Variants in DGLUCY observed in about 807,000 individuals in gnomAD.
The protein encoded by DGLUCY is D-glutamate cyclase, mitochondrial.
Under a neutral mutation model 58.5 loss-of-function variants are expected in DGLUCY, and 58 were observed. That is an observed-to-expected ratio of 0.99 (90% CI 0.80 to 1.23). The LOEUF (loss-of-function observed/expected upper bound fraction) is 1.23. Among genes scored for constraint, DGLUCY ranks in the 50% most tolerant of loss-of-function variants. The probability of loss-of-function intolerance (pLI) is 0.00; values close to 1 mark genes in which losing one functional copy is unlikely to be tolerated. For missense variants in DGLUCY, 779 were observed against 784.7 expected (o/e 0.99, Z 0.09); for synonymous variants, 325 against 314.1 (o/e 1.03, Z -0.37).
At chr14:91,175,739 A>C (rs1311570166) in intron 6 of DGLUCY, 195 bp from the exon 7 acceptor site, 5 of 515,642 alleles carry the variant, frequency 9.7e-6, no homozygotes, top group Non-Finnish European at 1.7e-5. Flanking sequence ...ACCATGCCAC[A>C]TGGACTGTAA....
At chr14:91,201,915 CATG>C (rs932823620) in intron 11 of DGLUCY, among the ~76,000 whole-genome samples, 10 of 151,906 alleles carry the variant, frequency 6.6e-5, no homozygotes, top group African/African-American at 2.4e-4. Flanking sequence ...ATTAACCAGG[CATG>C]GTGGTGGGCT....
intron 9 of DGLUCY, among the ~76,000 whole-genome samples, chr14:91,190,569 T>C (rs1251108969): frequency 6.6e-6 from 1 of 151,788 alleles, no homozygotes; most frequent in African/African-American, 2.4e-5. Flanking sequence ...AGGTTGATGA[T>C]GAGGGCGTGA....
chr14:91,163,057 A>T (rs1261415229), intron 3 of DGLUCY, among the ~76,000 whole-genome samples: 1 of 152,164 alleles, frequency 6.6e-6, no homozygotes, highest in Admixed American at 6.5e-5. Context: ...CAGGAGTTCA[A>T]GATCAGTCTG....
At chr14:91,078,410 C>T (rs1395573502) in intron 1 of DGLUCY, among the ~76,000 whole-genome samples, 1 of 152,130 alleles carries the variant, frequency 6.6e-6, no homozygotes, top group Non-Finnish European at 1.5e-5. Context: ...CTGCTTTGAT[C>T]CTGAAAATGA....
At chr14:91,152,117 T>G (rs2047370650) in intron 1 of DGLUCY, among the ~76,000 whole-genome samples, 1 of 152,166 alleles carries the variant, frequency 6.6e-6, no homozygotes, top group Non-Finnish European at 1.5e-5. Context: ...CCAGGTGTTG[T>G]GGCTCATGCC....
At chr14:91,083,743 A>G (rs1020937751) in intron 1 of DGLUCY, among the ~76,000 whole-genome samples, 1 of 152,006 alleles carries the variant, frequency 6.6e-6, no homozygotes, top group African/African-American at 2.4e-5. Context: ...TGTGTCAGAA[A>G]TATGTGTTTC....
intron 1 of DGLUCY, among the ~76,000 whole-genome samples, chr14:91,143,499 G>A (rs187651211): frequency 3.2e-4 from 48 of 152,264 alleles, no homozygotes; most frequent in African/African-American, 5.5e-4. Context: ...TAAATACAAC[G>A]GATTTGCAAT....
chr14:91,194,135 C>A (rs751013827), intron 9 of DGLUCY, among the ~76,000 whole-genome samples: 1 of 152,176 alleles, frequency 6.6e-6, no homozygotes, highest in African/African-American at 2.4e-5. Context: ...TAGCACTGAC[C>A]GTGTGCACGA....
intron 1 of DGLUCY, among the ~76,000 whole-genome samples, chr14:91,090,758 T>C (rs1198678321): frequency 6.6e-6 from 1 of 152,202 alleles, no homozygotes; most frequent in Non-Finnish European, 1.5e-5. Flanking sequence ...AGACATCTGG[T>C]GGAGCCTTGG....
chr14:91,149,335 G>C (rs2047185636), intron 1 of DGLUCY, among the ~76,000 whole-genome samples: 1 of 152,188 alleles, frequency 6.6e-6, no homozygotes, highest in South Asian at 2.1e-4. Flanking sequence ...CCTGTCTTCT[G>C]TGTATGCAGG....
chr14:91,141,779 G>A (rs559770081), intron 1 of DGLUCY, among the ~76,000 whole-genome samples: 48 of 151,934 alleles, frequency 3.2e-4, no homozygotes, highest in Non-Finnish European at 5.3e-4. Context: ...TTGAACTCCC[G>A]ACCTCAGGTG....
At chr14:91,074,294 CAAAAAAA>C (rs55872945) in intron 1 of DGLUCY, among the ~76,000 whole-genome samples, 1 of 103,308 alleles carries the variant, frequency 9.7e-6, no homozygotes, top group African/African-American at 3.6e-5. Context: ...TACCCTGTCT[CAAAAAAA>C]AAAAAAAAAA....
intron 11 of DGLUCY, among the ~76,000 whole-genome samples, chr14:91,200,750 T>C (rs892054293): frequency 1.3e-5 from 2 of 152,228 alleles, no homozygotes; most frequent in Middle Eastern, 6.8e-3. Context: ...TAATGTCACG[T>C]GCGTCTGTGT....
At chr14:91,176,166 A>G (rs2048841598) in intron 7 of DGLUCY, 110 bp downstream of exon 7, 3 of 1,356,350 alleles carry the variant, frequency 2.2e-6, no homozygotes, top group African/African-American at 2.9e-5. Context: ...TAAAGCCATG[A>G]AACAAAACAC....
chr14:91,063,511 T>A (rs1482030500), intron 1 of DGLUCY, among the ~76,000 whole-genome samples: 1 of 152,226 alleles, frequency 6.6e-6, no homozygotes, highest in Non-Finnish European at 1.5e-5. Context: ...CCACCTGACC[T>A]ATGTCAGACT....
intron 13 of DGLUCY, among the ~76,000 whole-genome samples, chr14:91,222,224 G>T (rs72699666): frequency 0.039 from 5,874 of 152,314 alleles, 161 homozygotes; most frequent in Non-Finnish European, 0.058. Context: ...AATTTGCAGG[G>T]AGTAGCTGTT....
At chr14:91,224,315 G>A (rs765821596) in intron 13 of DGLUCY, among the ~76,000 whole-genome samples, 5 of 152,158 alleles carry the variant, frequency 3.3e-5, no homozygotes, top group Non-Finnish European at 7.3e-5. Context: ...ATCACTTGAG[G>A]CCAGGAGTTC....
Position 91,186,521 on chromosome 14 carries a change from C to A in DGLUCY, c.935-2389C>A, listed in dbSNP as rs563343043. ...TCAGGTGATCCATCTGCCTCAGCCT[C>A]CCAAAGTGCTGGGATTACAGATGTG... On this transcript the variant is annotated intron_variant, in intron 8 of 13. Transcript: ENST00000256324. Among the ~76,000 whole-genome samples the A allele has an allele frequency of 2.4e-3, 364 of 152,266 alleles. 1 individual carries two copies. The highest frequency in any genetic ancestry group is 7.9e-3 in the South Asian group (38 of 4,824).
intron 1 of DGLUCY, among the ~76,000 whole-genome samples, chr14:91,120,754 A>C (rs1426724055): frequency 6.6e-6 from 1 of 152,154 alleles, no homozygotes; most frequent in African/African-American, 2.4e-5. Context: ...CACCTTTTGC[A>C]TACATTCAAT....
Sources: gnomAD v4.1 joint callset for allele counts (sites outside exome capture counted in the v4.1 genomes callset) on GRCh38, gnomAD v4.1.1 for gene constraint, MANE v1.5 for transcripts, NCBI Gene and HGNC (gene_info 2026-07-23, HGNC 2026-07-21) for gene names.